The following NFIB variants were observed in gnomAD, a reference collection of about 807,000 sequenced individuals.
The protein encoded by NFIB is nuclear factor 1 B-type.
In NFIB, 11 loss-of-function variants were observed where a neutral mutation model predicts 61.5. The ratio of observed to expected loss-of-function variants is 0.18; its 90% CI spans 0.11 to 0.30. NFIB has a LOEUF of 0.30. Among genes scored for constraint, NFIB ranks in the 10% least tolerant of loss-of-function variants. NFIB has a pLI of 1.00. For synonymous variants in NFIB, 260 were observed against 216.5 expected (o/e 1.20, Z -1.76); for missense variants, 471 against 608.9 (o/e 0.77, Z 2.38).
At chr9:14,528,054 T>A in the NFIB span, among the ~76,000 whole-genome samples, 1 of 152,128 alleles carries the variant, frequency 6.6e-6, no homozygotes. Flanking sequence ...AGTTTCAGCA[T>A]TTATCAGAGG....
At chr9:14,504,955 T>C in the NFIB span, among the ~76,000 whole-genome samples, 1 of 152,178 alleles carries the variant, frequency 6.6e-6, no homozygotes, top group Non-Finnish European at 1.5e-5. Flanking sequence ...TCCATACAAT[T>C]TTGGCTGTGG....
chr9:14,309,164 C>G (rs887511877), intron 1 of NFIB, among the ~76,000 whole-genome samples: 1 of 152,142 alleles, frequency 6.6e-6, no homozygotes, highest in Admixed American at 6.5e-5. Context: ...TATTTAACAG[C>G]AGACTGACTA....
chr9:14,483,728 C>T, the NFIB span, among the ~76,000 whole-genome samples: 4 of 152,212 alleles, frequency 2.6e-5, no homozygotes, highest in Non-Finnish European at 4.4e-5. Flanking sequence ...TCCTTACAGA[C>T]ATTTGATTGT....
chr9:14,445,355 G>A, the NFIB span, among the ~76,000 whole-genome samples: 3 of 149,128 alleles, frequency 2.0e-5, no homozygotes, highest in Non-Finnish European at 4.4e-5. Flanking sequence ...GTGATAGCAG[G>A]CATTTTTATC....
chr9:14,496,456 C>T, the NFIB span, among the ~76,000 whole-genome samples: 2 of 152,092 alleles, frequency 1.3e-5, no homozygotes, highest in Non-Finnish European at 2.9e-5. Flanking sequence ...TTTTGGATTT[C>T]AGATTTTCAG....
chr9:14,148,796 T>C (rs1348426717), intron 5 of NFIB, among the ~76,000 whole-genome samples: 1 of 152,232 alleles, frequency 6.6e-6, no homozygotes, highest in African/African-American at 2.4e-5. Flanking sequence ...GTATTAACGA[T>C]GTAGAAGATG....
At chr9:14,413,990 G>C in the NFIB span, among the ~76,000 whole-genome samples, 2 of 152,118 alleles carry the variant, frequency 1.3e-5, no homozygotes, top group Admixed American at 6.5e-5. Context: ...TCAATTTCCA[G>C]CTTTATAGAT....
At chr9:14,207,605 A>C (rs2049876941) in intron 2 of NFIB, among the ~76,000 whole-genome samples, 3 of 152,124 alleles carry the variant, frequency 2.0e-5, no homozygotes, top group African/African-American at 7.2e-5. Context: ...ACCATTTTCA[A>C]AGCCACTACC....
chr9:14,226,499 G>A (rs2052438097), intron 2 of NFIB, among the ~76,000 whole-genome samples: 2 of 148,790 alleles, frequency 1.3e-5, no homozygotes, highest in Non-Finnish European at 3.0e-5. Flanking sequence ...AGTGTGCCAT[G>A]ATCATGCCAC....
chr9:14,150,334 T>C, intron 4 of NFIB, 69 bp from the exon 5 acceptor site: 1 of 1,602,148 alleles, frequency 6.2e-7, no homozygotes, highest in South Asian at 1.1e-5. Flanking sequence ...AATGTAATAA[T>C]CGAGAATCTT....
chr9:14,382,954 C>G (rs566965400), intron 1 of NFIB, among the ~76,000 whole-genome samples: 1 of 152,284 alleles, frequency 6.6e-6, no homozygotes, highest in East Asian at 1.9e-4. Flanking sequence ...GGCTGGGTAT[C>G]TGGAAGCCTC....
intron 6 of NFIB, among the ~76,000 whole-genome samples, chr9:14,131,069 T>G (rs938645897): frequency 6.6e-6 from 1 of 152,186 alleles, no homozygotes; most frequent in Non-Finnish European, 1.5e-5. Context: ...AATACTGGAT[T>G]GCAGAAAGAA....
chr9:14,486,871 C>T, the NFIB span, among the ~76,000 whole-genome samples: 1 of 152,076 alleles, frequency 6.6e-6, no homozygotes, highest in Non-Finnish European at 1.5e-5. Context: ...CATTGAACAT[C>T]TATTATTTTA....
chr9:14,316,759 C>T (rs549731174), upstream of NFIB, among the ~76,000 whole-genome samples: 27 of 152,048 alleles, frequency 1.8e-4, no homozygotes, highest in African/African-American at 6.3e-4. Flanking sequence ...CCTTTCTCAC[C>T]CTCACCAGAT....
intron 2 of NFIB, among the ~76,000 whole-genome samples, chr9:14,297,007 C>T (rs1214948651): frequency 6.6e-6 from 1 of 152,240 alleles, no homozygotes; most frequent in Non-Finnish European, 1.5e-5. Context: ...CCCTACAACA[C>T]GTGTGTGCAT....
In NFIB at chr9:14,306,959, G is replaced by A. The variant is rs139018488; in HGVS notation, c.562+30C>T. On this transcript the variant is annotated intron_variant, in intron 2 of 10. Transcript: ENST00000380953. ...CGGAGATTTGTAGGCGGTGTTTGCC[G>A]TGCTAGAAAAAAGAACAATCTGCTC... 7.5e-5 allele frequency: 121 copies of A among 1,608,476 alleles called. 1 individual carries two copies. The Middle Eastern group carries it at 8.9e-4, about 12-fold the overall frequency.
chr9:14,100,632 T>G (rs989559127), intron 10 of NFIB, among the ~76,000 whole-genome samples: 8 of 152,174 alleles, frequency 5.3e-5, no homozygotes, highest in Non-Finnish European at 1.2e-4. Flanking sequence ...GAGAATGGCG[T>G]GAACCCGGGA....
intron 2 of NFIB, among the ~76,000 whole-genome samples, chr9:14,232,985 G>A (rs138730896): frequency 2.6e-5 from 4 of 152,236 alleles, no homozygotes; most frequent in South Asian, 2.1e-4. Flanking sequence ...TCAAGAGGGC[G>A]GGTCTGCCTC....
At chr9:14,316,663 CTTAGA>C (rs1441946934), upstream of NFIB, among the ~76,000 whole-genome samples, 5 of 152,254 alleles carry the variant, frequency 3.3e-5, no homozygotes, top group South Asian at 2.1e-4. Flanking sequence ...GCAACCTCAT[CTTAGA>C]TTAAACACAC....
Sources: gnomAD v4.1 joint callset for allele counts (sites outside exome capture counted in the v4.1 genomes callset) on GRCh38, gnomAD v4.1.1 for gene constraint, MANE v1.5 for transcripts, NCBI Gene and HGNC (gene_info 2026-07-23, HGNC 2026-07-21) for gene names.